The following IL17REL variants were observed in gnomAD, a reference collection of about 807,000 sequenced individuals.
IL17REL encodes interleukin-17 receptor E-like protein.
In IL17REL, 36 loss-of-function variants were observed where a neutral mutation model predicts 49.0. The ratio of observed to expected loss-of-function variants is 0.73; its 90% confidence interval spans 0.56 to 0.97. IL17REL has a LOEUF of 0.97. Ranked by LOEUF, IL17REL falls within the 50% of genes least tolerant of loss-of-function variation. IL17REL has a pLI of 0.00. For synonymous variants in IL17REL, 206 were observed against 192.4 expected (o/e 1.07, Z -0.58); for missense variants, 470 against 453.9 (o/e 1.04, Z -0.32).
intron 11 of IL17REL, 59 bp from the exon 14 acceptor site, chr22:49,997,133 T>C: frequency 6.7e-7 from 1 of 1,495,108 alleles, no homozygotes; most frequent in Non-Finnish European, 9.1e-7. Context: ...GGCTAAACAC[T>C]GTCCTTCTCC....
At chr22:50,007,734 C>T (rs116589949) in intron 1 of IL17REL, among the ~76,000 whole-genome samples, 252 of 152,204 alleles carry the variant, frequency 1.7e-3, no homozygotes, top group African/African-American at 5.9e-3. Context: ...ATTTGCATGT[C>T]ATCCTTGCGC....
At chr22:49,996,912 T>G (rs2061038387) in intron 12 of IL17REL, 52 bp from the exon 15 acceptor site, 12 of 665,632 alleles carry the variant, frequency 1.8e-5, no homozygotes, top group Non-Finnish European at 2.5e-5. Context: ...CCCCCGGGGA[T>G]GGGGGATGGG....
Position 50,001,081 on chromosome 22 carries a change from C to T in IL17REL, c.109+1G>A. ...CTCCCACCCTCGAGGCCACCTCTCA[C>T]CATGCAGGGTGATGGAGGCGCGTAC... is the stretch of plus-strand genomic sequence containing the variant. On this transcript the variant is annotated splice_donor_variant, in intron 2 of 12. Coordinates refer to ENST00000341280, the Ensembl canonical transcript of IL17REL. LOFTEE classifies it high-confidence loss of function. The T allele has an allele frequency of 6.3e-7, 1 of 1,579,202 alleles. No individual in the cohort carries two copies. Among genetic ancestry groups the T allele is most frequent in the Non-Finnish European group, 8.6e-7 (1 of 1,162,386 alleles).
At chr22:50,007,874 A>C (rs2061118663) in intron 1 of IL17REL, among the ~76,000 whole-genome samples, 1 of 152,048 alleles carries the variant, frequency 6.6e-6, no homozygotes, top group Non-Finnish European at 1.5e-5. Context: ...AAATGACATA[A>C]GGTAATTTCA....
chr22:50,007,669 G>C (rs1289885440), intron 1 of IL17REL, among the ~76,000 whole-genome samples: 2 of 151,804 alleles, frequency 1.3e-5, no homozygotes, highest in Admixed American at 6.6e-5. Flanking sequence ...GTGAGCCACC[G>C]CATCAGCCAT....
chr22:50,004,026 AAGAT>A (rs2061094022), intron 1 of IL17REL, among the ~76,000 whole-genome samples: 1 of 152,224 alleles, frequency 6.6e-6, no homozygotes, highest in African/African-American at 2.4e-5. Flanking sequence ...TGCAGAATAC[AAGAT>A]CAATATACAA....
At chr22:50,010,266 C>T (rs1349801912), upstream of IL17REL, among the ~76,000 whole-genome samples, 1 of 152,248 alleles carries the variant, frequency 6.6e-6, no homozygotes, top group African/African-American at 2.4e-5. Flanking sequence ...GGGCCTCAAA[C>T]GAGGGGCCGG....
chr22:50,010,680 C>G (rs981440741), upstream of IL17REL, among the ~76,000 whole-genome samples: 1 of 152,194 alleles, frequency 6.6e-6, no homozygotes, highest in Non-Finnish European at 1.5e-5. Flanking sequence ...CAGGGCTGGC[C>G]CCGTGGCCCG....
chr22:49,997,400 C>T (rs762143242), exon 11 of IL17REL: 3 of 1,613,740 alleles, frequency 1.9e-6, no homozygotes, highest in Non-Finnish European at 2.5e-6. Context: ...CACAGGTGCA[C>T]CTGGAAGTGG....
At chr22:49,992,333 G>A (rs1317989866), downstream of IL17REL, among the ~76,000 whole-genome samples, 1 of 152,194 alleles carries the variant, frequency 6.6e-6, no homozygotes, top group Non-Finnish European at 1.5e-5. Context: ...AGGCAGTCAG[G>A]GACCCTGTTA....
In IL17REL at chr22:49,995,063, C is replaced by T. The variant is rs532547765; in HGVS notation, c.*1842G>A. The T allele has an allele frequency of 2.6e-5, 4 of 152,616 alleles. No homozygotes were observed. In the East Asian group the frequency reaches 7.6e-4, roughly 29 times the overall value. 9.5% of individuals were successfully genotyped at this position (152,616 alleles called of 1,614,324 possible). ...GAGTGGGGCGGGTGCCCCAGTGAAG[C>T]TCAGCACCCAAGGATGCACAGACAG... On this transcript the variant is annotated 3_prime_UTR_variant, in exon 13 of 13. Transcript: ENST00000341280.
chr22:49,997,298 G>A lies in IL17REL; in HGVS notation c.974+22C>T, dbSNP rs1288259282. On this transcript the variant is annotated intron_variant, in intron 11 of 12. Coordinates refer to ENST00000341280, the Ensembl canonical transcript of IL17REL. ...CCACCACCCCCACCTCCCCAGGATG[G>A]AGCCCCACTCTCTCGGCTCACTGAG... 5 of 1,607,218 alleles carry A rather than the reference G, an allele frequency of 3.1e-6. No individual in the cohort carries two copies. In the South Asian group the frequency reaches 5.5e-5, roughly 18 times the overall value.
At chr22:50,000,371 G>A in intron 4 of IL17REL, 107 bp downstream of exon 5, 1 of 819,806 alleles carries the variant, frequency 1.2e-6, no homozygotes. Context: ...GTCTTGCGGG[G>A]ATCTGTCCAG....
chr22:50,005,919 A>T (rs2061107396), intron 1 of IL17REL, among the ~76,000 whole-genome samples: 1 of 152,132 alleles, frequency 6.6e-6, no homozygotes, highest in Non-Finnish European at 1.5e-5. Context: ...TCAACTGCTG[A>T]AAAGTACCAA....
chr22:50,006,943 A>G (rs1456174273), intron 1 of IL17REL, among the ~76,000 whole-genome samples: 1 of 138,178 alleles, frequency 7.2e-6, no homozygotes, highest in Admixed American at 7.5e-5. Context: ...CAAAACAGTG[A>G]GACTCTGTCT....
chr22:49,999,238 A>G (rs1201431249), intron 7 of IL17REL, 53 bp downstream of exon 9: 1 of 1,601,250 alleles, frequency 6.2e-7, no homozygotes, highest in Non-Finnish European at 8.6e-7. Flanking sequence ...GTGGAGTCAG[A>G]CTGGCCGCAG....
At chr22:49,998,210 C>G in exon 8 of IL17REL, 6 of 1,612,406 alleles carry the variant, frequency 3.7e-6, no homozygotes, top group Non-Finnish European at 5.1e-6. Flanking sequence ...CCAGCACAGG[C>G]TCACATGGCC....
chr22:50,011,150 C>T (rs2061139191), upstream of IL17REL, among the ~76,000 whole-genome samples: 1 of 151,912 alleles, frequency 6.6e-6, no homozygotes, highest in Non-Finnish European at 1.5e-5. Flanking sequence ...TCCCGCTCCT[C>T]TTGTCACCCC....
upstream of IL17REL, among the ~76,000 whole-genome samples, chr22:50,010,489 C>A (rs1054253322): frequency 8.5e-5 from 13 of 152,220 alleles, no homozygotes; most frequent in Non-Finnish European, 1.6e-4. Flanking sequence ...TGGCGTGGGT[C>A]CCCGGGCCTC....
Sources: gnomAD v4.1 joint callset for allele counts (sites outside exome capture counted in the v4.1 genomes callset) on GRCh38, gnomAD v4.1.1 for gene constraint, MANE v1.5 for transcripts, NCBI Gene and HGNC (gene_info 2026-07-23, HGNC 2026-07-21) for gene names.